The following CEP128 variants were observed in gnomAD, a reference collection of about 807,000 sequenced individuals.
The protein encoded by CEP128 is centrosomal protein 128kDa.
A neutral mutation model predicts 156.7 loss-of-function variants in CEP128; 132 were observed. The observed-to-expected ratio is 0.84, with a 90% CI of 0.73 to 0.97. The LOEUF (loss-of-function observed/expected upper bound fraction) is 0.97. CEP128 is among the 50% of genes least tolerant of loss of function. The pLI is 0.00. For missense variants in CEP128, 1,252 were observed against 1,281.9 expected (o/e 0.98, Z 0.36); for synonymous variants, 469 against 448.9 (o/e 1.04, Z -0.57).
chr14:80,627,015 T>C (rs1389888033), intron 19 of CEP128, among the ~76,000 whole-genome samples: 1 of 152,206 alleles, frequency 6.6e-6, no homozygotes, highest in Non-Finnish European at 1.5e-5. Context: ...TGACTTTTCT[T>C]TTATATTCCA....
At chr14:80,807,462 A>C (rs1269905286) in intron 13 of CEP128, among the ~76,000 whole-genome samples, 2 of 152,242 alleles carry the variant, frequency 1.3e-5, no homozygotes, top group Non-Finnish European at 2.9e-5. Flanking sequence ...AGGAGAGAAC[A>C]CTAGAGTTTA....
At chr14:80,540,572 T>C (rs1188457184) in intron 21 of CEP128, among the ~76,000 whole-genome samples, 3 of 152,214 alleles carry the variant, frequency 2.0e-5, no homozygotes, top group African/African-American at 2.4e-5. Context: ...TAAAATTCTG[T>C]ATTTAATTCT....
chr14:80,546,293 G>A (rs888860834), intron 21 of CEP128, among the ~76,000 whole-genome samples: 1 of 152,204 alleles, frequency 6.6e-6, no homozygotes, highest in Non-Finnish European at 1.5e-5. Flanking sequence ...TTTCCTAGAT[G>A]ATAGGAAACA....
intron 7 of CEP128, among the ~76,000 whole-genome samples, chr14:80,896,014 G>A (rs947601283): frequency 2.0e-5 from 3 of 152,154 alleles, no homozygotes; most frequent in Non-Finnish European, 2.9e-5. Flanking sequence ...GCCCAAGAAT[G>A]TGCCTTTCTA....
intron 19 of CEP128, among the ~76,000 whole-genome samples, chr14:80,723,016 C>T (rs1401021436): frequency 1.3e-5 from 2 of 151,782 alleles, no homozygotes; most frequent in Non-Finnish European, 2.9e-5. Context: ...TTAGTAGAGA[C>T]GGGGATTCAC....
intron 4 of CEP128, among the ~76,000 whole-genome samples, chr14:80,912,990 G>A (rs1470148056): frequency 1.3e-5 from 2 of 152,134 alleles, no homozygotes; most frequent in Admixed American, 1.3e-4. Context: ...CAGGACAGGA[G>A]TAAGCAATTC....
At chr14:80,819,239 CTTTTTTTTTTT>C (rs1187431254) in intron 13 of CEP128, among the ~76,000 whole-genome samples, 1 of 82,748 alleles carries the variant, frequency 1.2e-5, no homozygotes, top group South Asian at 4.1e-4. Context: ...TGGCATCTTC[CTTTTTTTTTTT>C]TTTTTTTTTT....
At chr14:80,657,522 G>A (rs375505615) in intron 19 of CEP128, among the ~76,000 whole-genome samples, 6 of 151,954 alleles carry the variant, frequency 3.9e-5, no homozygotes, top group African/African-American at 9.7e-5. Flanking sequence ...GTGGTGGTGC[G>A]CGCCTGTAAT....
chr14:80,570,232 C>G (rs1306878726), intron 20 of CEP128, among the ~76,000 whole-genome samples: 1 of 152,102 alleles, frequency 6.6e-6, no homozygotes, highest in Non-Finnish European at 1.5e-5. Flanking sequence ...ATTCCCCTGC[C>G]TCAGCCTCCT....
At chr14:80,867,796 C>T (rs1340787676) in intron 8 of CEP128, among the ~76,000 whole-genome samples, 1 of 152,128 alleles carries the variant, frequency 6.6e-6, no homozygotes, top group East Asian at 1.9e-4. Context: ...GAGGAGTTTA[C>T]TTAAAGAAAT....
intron 9 of CEP128, among the ~76,000 whole-genome samples, chr14:80,856,877 T>A (rs1454891049): frequency 6.6e-6 from 1 of 151,434 alleles, no homozygotes; most frequent in African/African-American, 2.4e-5. Flanking sequence ...ATTACAGGTG[T>A]GCACCACCAC....
chr14:80,895,016 TA>T (rs1889280087), intron 8 of CEP128, among the ~76,000 whole-genome samples: 1 of 152,010 alleles, frequency 6.6e-6, no homozygotes, highest in African/African-American at 2.4e-5. Flanking sequence ...AATAAATGAA[TA>T]AATACACTCC....
intron 19 of CEP128, among the ~76,000 whole-genome samples, chr14:80,646,080 G>A (rs1471051006): frequency 6.6e-6 from 1 of 152,128 alleles, no homozygotes; most frequent in Non-Finnish European, 1.5e-5. Flanking sequence ...GAGCTCACAG[G>A]ATTTTTAGGG....
At chr14:80,886,388 A>G (rs886625586) in intron 8 of CEP128, among the ~76,000 whole-genome samples, 2 of 152,200 alleles carry the variant, frequency 1.3e-5, no homozygotes, top group African/African-American at 4.8e-5. Context: ...GAGAAAGGTC[A>G]AGTTACCTGC....
intron 19 of CEP128, among the ~76,000 whole-genome samples, chr14:80,735,283 T>G (rs991924062): frequency 3.9e-5 from 6 of 152,152 alleles, no homozygotes; most frequent in Non-Finnish European, 7.4e-5. Flanking sequence ...CCATTTCGGG[T>G]TCACTCATAA....
chr14:80,838,380 G>C, intron 10 of CEP128, 102 bp from the exon 11 acceptor site: 1 of 758,470 alleles, frequency 1.3e-6, no homozygotes, highest in Admixed American at 2.3e-5. Context: ...AAAGTTTTCA[G>C]AAGACATTTA....
At chr14:80,913,257 T>G (rs1480072582) in intron 4 of CEP128, among the ~76,000 whole-genome samples, 1 of 152,166 alleles carries the variant, frequency 6.6e-6, no homozygotes, top group Non-Finnish European at 1.5e-5. Context: ...ACAATAATGG[T>G]CACTGCTATA....
intron 19 of CEP128, among the ~76,000 whole-genome samples, chr14:80,589,013 T>C (rs1456312308): frequency 6.6e-6 from 1 of 152,110 alleles, no homozygotes; most frequent in Admixed American, 6.5e-5. Context: ...ATCAGATATC[T>C]TTAATATAAA....
At chr14:80,829,322 G>A (rs1388718773) in intron 13 of CEP128, among the ~76,000 whole-genome samples, 1 of 152,072 alleles carries the variant, frequency 6.6e-6, no homozygotes, top group Non-Finnish European at 1.5e-5. Flanking sequence ...CTTTGCAATG[G>A]CAACTGGAAA....
Sources: allele counts gnomAD v4.1 joint callset (sites outside exome capture counted in the v4.1 genomes callset), GRCh38; gene constraint gnomAD v4.1.1; transcripts MANE v1.5; gene names NCBI Gene and HGNC (gene_info 2026-07-23, HGNC 2026-07-21).